The following KCND3 variants were observed in gnomAD, a reference collection of about 807,000 sequenced individuals.
The protein encoded by KCND3 is potassium voltage-gated channel subfamily D member 3, also known as A-type voltage-gated potassium channel KCND3.
KCND3 carries 9 observed loss-of-function variants against 51.1 expected under a neutral mutation model. That is an observed-to-expected ratio of 0.18 (90% CI 0.11 to 0.31). KCND3 has a LOEUF of 0.31. Ranked by LOEUF, KCND3 falls within the 10% of genes least tolerant of loss-of-function variation. The probability of loss-of-function intolerance (pLI) is 1.00; values close to 1 mark genes in which losing one functional copy is unlikely to be tolerated. For synonymous variants in KCND3, 349 were observed against 368.0 expected, an observed-to-expected ratio of 0.95 and a Z score of 0.59; for missense variants, 526 against 903.8, an observed-to-expected ratio of 0.58 and a Z score of 5.36.
intron 2 of KCND3, among the ~76,000 whole-genome samples, chr1:111,797,083 C>T (rs1056133244): frequency 1.3e-5 from 2 of 152,110 alleles, no homozygotes; most frequent in Non-Finnish European, 2.9e-5. Context: ...CTGGAAGGCT[C>T]GATAAAACAT....
At chr1:111,867,545 T>A (rs746876944) in intron 2 of KCND3, among the ~76,000 whole-genome samples, 1 of 152,166 alleles carries the variant, frequency 6.6e-6, no homozygotes, top group African/African-American at 2.4e-5. Context: ...TGGGAACACC[T>A]GTATTTCCAT....
At chr1:111,821,388 C>A (rs945555361) in intron 2 of KCND3, among the ~76,000 whole-genome samples, 3 of 152,154 alleles carry the variant, frequency 2.0e-5, no homozygotes, top group African/African-American at 7.2e-5. Flanking sequence ...GTGATTTTGT[C>A]TTCTGATGTG....
intron 2 of KCND3, among the ~76,000 whole-genome samples, chr1:111,806,708 T>C (rs1665588405): frequency 6.6e-6 from 1 of 152,236 alleles, no homozygotes; most frequent in Admixed American, 6.5e-5. Context: ...TAAGGAATCA[T>C]GGGCCATAAT....
intron 2 of KCND3, among the ~76,000 whole-genome samples, chr1:111,810,195 G>A (rs926393049): frequency 4.6e-5 from 7 of 152,114 alleles, no homozygotes; most frequent in African/African-American, 1.7e-4. Context: ...GTGAGCGACT[G>A]TGGCTCTTCT....
intron 2 of KCND3, among the ~76,000 whole-genome samples, chr1:111,939,736 T>C (rs1672402937): frequency 1.3e-5 from 2 of 152,254 alleles, no homozygotes; most frequent in African/African-American, 2.4e-5. Flanking sequence ...TTTGGGTATA[T>C]ACCCAGTAAT....
intron 2 of KCND3, among the ~76,000 whole-genome samples, chr1:111,815,156 T>G (rs1185261556): frequency 6.6e-6 from 1 of 151,950 alleles, no homozygotes; most frequent in Non-Finnish European, 1.5e-5. Context: ...TGGACTAGAA[T>G]CTATGGGGCA....
chr1:111,782,651 T>C (rs1162710310), intron 3 of KCND3, among the ~76,000 whole-genome samples: 3 of 152,224 alleles, frequency 2.0e-5, no homozygotes, highest in African/African-American at 7.2e-5. Flanking sequence ...AAGCTTATTA[T>C]AGTCTTATAT....
At chr1:111,907,457 A>T (rs542551797) in intron 2 of KCND3, among the ~76,000 whole-genome samples, 1 of 152,280 alleles carries the variant, frequency 6.6e-6, no homozygotes, top group South Asian at 2.1e-4. Flanking sequence ...AGCTGTCATG[A>T]CAAGAGGTAG....
chr1:111,884,535 C>T (rs373690735), intron 2 of KCND3, among the ~76,000 whole-genome samples: 58 of 152,252 alleles, frequency 3.8e-4, no homozygotes, highest in Middle Eastern at 3.4e-3. Context: ...TTCTAGGAAA[C>T]AGGAGAGAAA....
chr1:111,855,434 C>T (rs1286878054), intron 2 of KCND3, among the ~76,000 whole-genome samples: 1 of 152,182 alleles, frequency 6.6e-6, no homozygotes, highest in Non-Finnish European at 1.5e-5. Context: ...CTTGTAATTA[C>T]TTTTCACACC....
Position 111,875,791 on chromosome 1 carries a change from C to T in KCND3, c.1107-88685G>A, listed in dbSNP as rs571346897. On this transcript the variant is annotated intron_variant, in intron 2 of 7. Coordinates refer to ENST00000302127, the MANE Select transcript of KCND3 (RefSeq NM_001378969.1). Reference sequence around the variant, plus strand: ...AGAGAAACTAGAATTCCATTCTTTCCGCTAAGGAAAACCATTAGACCTGCA... The same window carrying T: ...AGAGAAACTAGAATTCCATTCTTTCTGCTAAGGAAAACCATTAGACCTGCA... Among the ~76,000 whole-genome samples the T allele has an allele frequency of 3.9e-5, 6 of 152,350 alleles. No individual in the cohort carries two copies. In the East Asian group the frequency reaches 7.7e-4, roughly 20 times the overall value.
chr1:111,879,368 C>G (rs1669200402), intron 2 of KCND3, among the ~76,000 whole-genome samples: 1 of 152,152 alleles, frequency 6.6e-6, no homozygotes, highest in Non-Finnish European at 1.5e-5. Context: ...TGTTTACATT[C>G]TTGCCTCTCA....
chr1:111,982,410 G>C lies in KCND3; in HGVS notation c.317C>G (p.Pro106Arg). 1 of 1,614,162 alleles carries C rather than the reference G, an allele frequency of 6.2e-7. No individual in the cohort carries two copies. Among genetic ancestry groups the C allele is most frequent in the African/African-American group, 1.3e-5 (1 of 75,044 alleles). Reference sequence around the variant, plus strand: ...GTAGGCAGAGATGCACTCGTAGCGCGGGTAGTGCAGCTTCCCCGTGCGGTA... The same window carrying C: ...GTAGGCAGAGATGCACTCGTAGCGCCGGTAGTGCAGCTTCCCCGTGCGGTA... ...NFYRTGKLHY[P>R]RYECISAYDD... is the part of the protein sequence containing the mutation. The change falls in exon 2 of 8, where the codon CCG becomes CGG. Residue 106 changes from proline to arginine, a missense_variant. Transcript: ENST00000302127. The surrounding 1 kb of genome is among the most constrained non-coding windows in gnomAD (Gnocchi z 8.5).
chr1:111,927,908 T>C (rs1671784465), intron 2 of KCND3, among the ~76,000 whole-genome samples: 1 of 152,144 alleles, frequency 6.6e-6, no homozygotes, highest in African/African-American at 2.4e-5. Flanking sequence ...CTGCTCCCCA[T>C]GTCTGGGACG....
intron 2 of KCND3, among the ~76,000 whole-genome samples, chr1:111,828,685 G>A (rs1203910588): frequency 1.3e-5 from 2 of 152,094 alleles, no homozygotes. Flanking sequence ...GGGGTATGGA[G>A]AGACCCCCCA....
intron 2 of KCND3, among the ~76,000 whole-genome samples, chr1:111,860,279 G>A (rs1668273020): frequency 1.3e-5 from 2 of 152,150 alleles, no homozygotes; most frequent in Admixed American, 6.5e-5. Context: ...AAGGAAATAC[G>A]GCTCAGAGAG....
chr1:111,796,248 A>C lies in KCND3; in HGVS notation c.1107-9142T>G, dbSNP rs10857906. On this transcript the variant is annotated intron_variant, in intron 2 of 7. Coordinates refer to ENST00000302127, the MANE Select transcript of KCND3 (RefSeq NM_001378969.1). The stretch of plus-strand genomic sequence containing the variant: ...TGCAATTACTTTCGGCATCTTTGTC[A>C]TGAAATCTTTGCTTGTTCCTATGTC... Among the ~76,000 whole-genome samples the C allele has an allele frequency of 6.0e-3, 921 of 152,320 alleles. 7 individuals are homozygous for C. The highest frequency in any genetic ancestry group is 9.4e-3 in the Non-Finnish European group (637 of 68,036).
Position 111,962,256 on chromosome 1 carries a change from C to A in KCND3, c.1106+19365G>T, listed in dbSNP as rs186979912. 6.7e-4 allele frequency among the ~76,000 whole-genome samples: 102 copies of A among 152,306 alleles called. 1 individual carries two copies. The highest frequency in any genetic ancestry group is 2.4e-3 in the African/African-American group (98 of 41,568). Reference sequence around the variant, plus strand: ...AAAGTGGCAGAGCTGCAGATGGAACCCAGGTCTGCCTGCCTTTGGAACACA... The same window carrying A: ...AAAGTGGCAGAGCTGCAGATGGAACACAGGTCTGCCTGCCTTTGGAACACA... On this transcript the variant is annotated intron_variant, in intron 2 of 7. Transcript: ENST00000302127.
intron 2 of KCND3, among the ~76,000 whole-genome samples, chr1:111,792,631 T>A (rs1439516030): frequency 6.6e-6 from 1 of 152,196 alleles, no homozygotes; most frequent in Non-Finnish European, 1.5e-5. Context: ...CTGGGTGACC[T>A]TGGCCATGAT....
Sources: allele counts gnomAD v4.1 joint callset (sites outside exome capture counted in the v4.1 genomes callset), GRCh38; gene constraint gnomAD v4.1.1; non-coding constraint Gnocchi (gnomAD v3.1); transcripts MANE v1.5; gene names NCBI Gene and HGNC (gene_info 2026-07-23, HGNC 2026-07-21).